TAOK1: variants seen among roughly 807,000 people sequenced by gnomAD.
TAOK1 encodes serine/threonine-protein kinase TAO1.
TAOK1 carries 21 observed loss-of-function variants against 138.3 expected under a neutral mutation model. That is an observed-to-expected ratio of 0.15 (90% confidence interval 0.11 to 0.22). The LOEUF (loss-of-function observed/expected upper bound fraction) is 0.22, where lower values mean the gene tolerates loss of function less well. TAOK1 is among the 10% of genes least tolerant of loss of function. TAOK1 has a pLI of 1.00. For missense variants in TAOK1, 651 were observed against 1,227.7 expected (o/e 0.53, Z 7.02); for synonymous variants, 361 against 398.4 (o/e 0.91, Z 1.12).
At chr17:29,536,011 G>A (rs935506386) in intron 19 of TAOK1, among the ~76,000 whole-genome samples, 1 of 151,988 alleles carries the variant, frequency 6.6e-6, no homozygotes, top group Non-Finnish European at 1.5e-5. Flanking sequence ...AGAAAGATAA[G>A]GCCAGGCACA....
intron 8 of TAOK1, among the ~76,000 whole-genome samples, chr17:29,487,882 A>C (rs2031205844): frequency 6.6e-6 from 1 of 152,212 alleles, no homozygotes; most frequent in South Asian, 2.1e-4. Flanking sequence ...TTTATCATGA[A>C]GAAGACTGGC....
chr17:29,491,687 C>T lies in TAOK1; in HGVS notation c.750-97C>T, dbSNP rs2031297872. ...CTGCTTTTTTTTAATCATTCCCTTTCCATTTCCCCTCCCACCAATAGGCAC... is the reference window on the plus strand; with the variant it reads ...CTGCTTTTTTTTAATCATTCCCTTTTCATTTCCCCTCCCACCAATAGGCAC... On this transcript the variant is annotated intron_variant, in intron 9 of 19. Coordinates refer to ENST00000261716, the MANE Select transcript of TAOK1 (RefSeq NM_020791.4). 17 of 829,314 alleles carry T rather than the reference C, an allele frequency of 2.0e-5. No individual in the cohort carries two copies. In the South Asian group the frequency reaches 2.2e-4, roughly 11 times the overall value. 51.4% of individuals were successfully genotyped at this position (829,314 alleles called of 1,614,324 possible).
At chr17:29,488,102 G>A (rs2031209443) in intron 8 of TAOK1, among the ~76,000 whole-genome samples, 1 of 152,196 alleles carries the variant, frequency 6.6e-6, no homozygotes, top group Non-Finnish European at 1.5e-5. Context: ...AATCTTCAGA[G>A]GATTGGTTCC....
intron 18 of TAOK1, among the ~76,000 whole-genome samples, chr17:29,532,841 G>A (rs574458055): frequency 4.6e-5 from 7 of 151,204 alleles, no homozygotes; most frequent in African/African-American, 9.7e-5. Flanking sequence ...ATCATGGCCC[G>A]TTCTCAATGA....
chr17:29,437,926 G>T lies in TAOK1; in HGVS notation c.-94-13529G>T, dbSNP rs1440522518. Reference sequence around the variant, plus strand: ...TTTTTGTATTTTTATTAGACATGGAGTTTCATCATGTTGGCCAGGCTGGTC... The same window carrying T: ...TTTTTGTATTTTTATTAGACATGGATTTTCATCATGTTGGCCAGGCTGGTC... On this transcript the variant is annotated intron_variant, in intron 1 of 19. Coordinates refer to ENST00000261716, the MANE Select transcript of TAOK1 (RefSeq NM_020791.4). Among the ~76,000 whole-genome samples, 15 of 151,990 alleles carry T rather than the reference G, an allele frequency of 9.9e-5. 1 individual carries two copies. Among genetic ancestry groups the T allele is most frequent in the Non-Finnish European group, 4.4e-5 (3 of 68,002 alleles).
rs1488032534 is a variant in TAOK1 at position 29,526,400 on chromosome 17, ACT to A, written c.2148+3882_2148+3883del. Among the ~76,000 whole-genome samples, 6 of 151,802 alleles carry A rather than the reference ACT, an allele frequency of 4.0e-5. No individual in the cohort carries two copies. The East Asian group carries it at 9.6e-4, about 24-fold the overall frequency. ...TTTCTGTCTAGAAGCACTTGGAACA[ACT>A]TTGTTAACCATGAATGGTTTTTTTG... On this transcript the variant is annotated intron_variant, in intron 17 of 19. Transcript: ENST00000261716.
At chr17:29,495,050 A>T (rs548628855) in intron 10 of TAOK1, among the ~76,000 whole-genome samples, 1 of 152,288 alleles carries the variant, frequency 6.6e-6, no homozygotes, top group East Asian at 1.9e-4. Flanking sequence ...ATTAAATGCT[A>T]GTAATAAAAA....
chr17:29,479,018 G>A (rs923077317), intron 6 of TAOK1, among the ~76,000 whole-genome samples: 3 of 152,018 alleles, frequency 2.0e-5, no homozygotes, highest in African/African-American at 4.8e-5. Flanking sequence ...CCAGCTACTC[G>A]TGAGGCTGAG....
At chr17:29,401,906 TC>T (rs557016780) in intron 1 of TAOK1, among the ~76,000 whole-genome samples, 7 of 152,336 alleles carry the variant, frequency 4.6e-5, no homozygotes, top group African/African-American at 1.7e-4. Context: ...CACCTTGGCC[TC>T]CCAAAGTGCT....
rs2030929337 is a variant in TAOK1, at chr17:29,475,755, G to A, written c.290G>A (p.Arg97His). 8 of 1,611,846 alleles carry A rather than the reference G, an allele frequency of 5.0e-6. No homozygotes were observed. Among genetic ancestry groups the A allele is most frequent in the East Asian group, 2.2e-5 (1 of 44,814 alleles). The change falls in exon 4 of 20, where the codon CGT (arginine) becomes CAT (histidine). Residue 97 changes from arginine to histidine, a missense_variant. This residue lies in a region of TAOK1 where 116 missense variants were observed against 213.9 expected (regional missense o/e 0.54). Coordinates refer to ENST00000261716, the MANE Select transcript of TAOK1 (RefSeq NM_020791.4). ...NSIEYKGCYL[R>H]EHTAWLVMEY... ...ATAGAATACAAAGGCTGTTATTTAC[G>A]TGAACACACAGCATGGGTTGGTATT...
rs1225187578 is a variant in TAOK1 at position 29,410,676 on chromosome 17, A to G, written c.-95+19652A>G. Among the ~76,000 whole-genome samples, 4 of 129,996 alleles carry G rather than the reference A, an allele frequency of 3.1e-5. No homozygotes were observed. In the East Asian group the frequency reaches 9.0e-4, roughly 29 times the overall value. 85.3% of individuals were successfully genotyped at this position (129,996 alleles called of 152,430 possible). A position where few individuals can be genotyped will look rare whatever the true frequency, so the allele number is the denominator to read the frequency against. On this transcript the variant is annotated intron_variant, in intron 1 of 19. Transcript: ENST00000261716. Reference sequence around the variant, plus strand: ...GAGATGGAGTCTTGCTCTGTCGCCCAGGCTGGAGTGCAGTGGCGTGATCTC... The same window carrying G: ...GAGATGGAGTCTTGCTCTGTCGCCCGGGCTGGAGTGCAGTGGCGTGATCTC...
intron 1 of TAOK1, among the ~76,000 whole-genome samples, chr17:29,400,327 T>A (rs1210017607): frequency 6.7e-6 from 1 of 150,326 alleles, no homozygotes; most frequent in East Asian, 2.0e-4. Flanking sequence ...CAGGCAGAGG[T>A]TGCAATGAGC....
At chr17:29,443,933 G>A (rs1331282807) in intron 1 of TAOK1, among the ~76,000 whole-genome samples, 1 of 151,912 alleles carries the variant, frequency 6.6e-6, no homozygotes, top group Non-Finnish European at 1.5e-5. Context: ...TGCCTAACAT[G>A]GTGAAACCCC....
In TAOK1 at chr17:29,550,288, AG is replaced by A. The variant is rs1334966576; in HGVS notation, c.*7267del. The A allele has an allele frequency of 1.3e-5, 2 of 152,232 alleles. No individual in the cohort carries two copies. Among genetic ancestry groups the A allele is most frequent in the African/African-American group, 4.8e-5 (2 of 41,468 alleles). The allele number at this position is 152,232 out of a possible 1,614,324, so 9.4% of individuals were successfully genotyped here. A position where few individuals can be genotyped will look rare whatever the true frequency, so the allele number is the denominator to read the frequency against. On this transcript the variant is annotated 3_prime_UTR_variant, in exon 20 of 20. Coordinates refer to ENST00000261716, the MANE Select transcript of TAOK1 (RefSeq NM_020791.4). ...ATGGTCGGATGTAAATAACATTTAAAGTATAGTGCACATAACTTCCCCGGAC... is the reference window on the plus strand; with the variant it reads ...ATGGTCGGATGTAAATAACATTTAAATATAGTGCACATAACTTCCCCGGAC...
intron 17 of TAOK1, among the ~76,000 whole-genome samples, chr17:29,525,175 C>T (rs1285096837): frequency 2.0e-5 from 3 of 152,022 alleles, no homozygotes; most frequent in South Asian, 2.1e-4. Flanking sequence ...TGCAATGGCA[C>T]GATCTCAGCT....
Position 29,549,523 on chromosome 17 carries a change from T to C in TAOK1, c.*6501T>C, listed in dbSNP as rs187777081. The C allele has an allele frequency of 6.6e-6, 1 of 152,310 alleles. No homozygotes were observed. The highest frequency in any genetic ancestry group is 6.5e-5 in the Admixed American group (1 of 15,292). 9.4% of individuals were successfully genotyped at this position (152,310 alleles called of 1,614,324 possible). On this transcript the variant is annotated 3_prime_UTR_variant, in exon 20 of 20. Coordinates refer to ENST00000261716, the MANE Select transcript of TAOK1 (RefSeq NM_020791.4). ...GAACAGGTTTCTCTCAGTGGCACATTTTGCTTTTTCTGAGCCCCAAATACA... is the reference window on the plus strand; with the variant it reads ...GAACAGGTTTCTCTCAGTGGCACATCTTGCTTTTTCTGAGCCCCAAATACA...
intron 16 of TAOK1, among the ~76,000 whole-genome samples, chr17:29,518,750 C>CTTCTATTTTA (rs1555567083): frequency 2.0e-5 from 3 of 150,390 alleles, no homozygotes; most frequent in Non-Finnish European, 4.4e-5. Context: ...TTTATTTTTA[C>CTTCTATTTTA]TTTATCTATT....
intron 1 of TAOK1, among the ~76,000 whole-genome samples, chr17:29,410,618 T>TGTTTTTTTTTTTTTG (rs1795686307): frequency 1.7e-5 from 2 of 119,282 alleles, no homozygotes; most frequent in Admixed American, 7.9e-5. Flanking sequence ...TAGGGTTTTT[T>TGTTTTTTTTTTTTTG]GTTTTTTTTT....
intron 19 of TAOK1, 98 bp downstream of exon 19, chr17:29,534,398 T>C: frequency 1.8e-6 from 2 of 1,138,278 alleles, no homozygotes; most frequent in Non-Finnish European, 1.2e-6. Flanking sequence ...CACATTAGAT[T>C]TCTTTCACAA....
Sources: gnomAD v4.1 joint callset for allele counts (sites outside exome capture counted in the v4.1 genomes callset) on GRCh38, gnomAD v4.1.1 for gene constraint, gnomAD v4.1.1 regional missense constraint, MANE v1.5 for transcripts, NCBI Gene and HGNC (gene_info 2026-07-23, HGNC 2026-07-21) for gene names.